The following CXADR variants were observed in gnomAD, a reference collection of about 807,000 sequenced individuals.
CXADR encodes coxsackievirus and adenovirus receptor.
Under a neutral mutation model 40.3 loss-of-function variants are expected in CXADR, and 20 were observed. That is an observed-to-expected ratio of 0.50 (90% confidence interval 0.35 to 0.72). CXADR has a LOEUF of 0.72. Ranked by LOEUF, CXADR falls within the 30% of genes least tolerant of loss-of-function variation. The pLI, the probability that CXADR is intolerant of heterozygous loss-of-function variation, is 0.01. For synonymous variants in CXADR, 150 were observed against 161.3 expected (o/e 0.93, Z 0.53); for missense variants, 332 against 449.1 (o/e 0.74, Z 2.36).
the CXADR span, among the ~76,000 whole-genome samples, chr21:17,615,988 C>G: frequency 1.6e-4 from 25 of 152,184 alleles, 1 homozygote; most frequent in Admixed American, 1.6e-3. Flanking sequence ...TGGTGGCTCA[C>G]GCCTGTAATC....
the CXADR span, among the ~76,000 whole-genome samples, chr21:17,603,959 G>A: frequency 1.3e-5 from 2 of 152,324 alleles, no homozygotes; most frequent in African/African-American, 2.4e-5. Context: ...AAAGCAGAAT[G>A]TTGCTTTCGT....
chr21:17,528,100 G>T (rs2060621824), intron 1 of CXADR, among the ~76,000 whole-genome samples: 3 of 107,212 alleles, frequency 2.8e-5, no homozygotes, highest in South Asian at 6.4e-4. Flanking sequence ...TTGAGACAGA[G>T]TCTGGCTCTG....
intron 1 of CXADR, among the ~76,000 whole-genome samples, chr21:17,513,650 T>C (rs774622911): frequency 5.3e-5 from 8 of 152,222 alleles, no homozygotes; most frequent in Non-Finnish European, 1.0e-4. Context: ...TCAATGGACA[T>C]GGAGCTGCCC....
At chr21:17,626,024 G>T in the CXADR span, among the ~76,000 whole-genome samples, 16 of 152,178 alleles carry the variant, frequency 1.1e-4, no homozygotes, top group East Asian at 1.2e-3. Context: ...GCCCATTTTT[G>T]ACATTTAGCC....
chr21:17,537,157 A>C (rs2123201536), intron 1 of CXADR, among the ~76,000 whole-genome samples: 1 of 152,384 alleles, frequency 6.6e-6, no homozygotes, highest in Non-Finnish European at 1.5e-5. Context: ...GCATATGCCA[A>C]CAGTGTTCCA....
At chr21:17,611,956 G>A in the CXADR span, 1 of 152,362 alleles carries the variant, frequency 6.6e-6, no homozygotes, top group East Asian at 1.9e-4. Flanking sequence ...GTGGGGTGAG[G>A]AGCCCCGGCC....
the CXADR span, among the ~76,000 whole-genome samples, chr21:17,627,908 C>A: frequency 8.5e-5 from 13 of 152,224 alleles, no homozygotes; most frequent in African/African-American, 3.1e-4. Context: ...GAAACAAATC[C>A]AATTCTGGTC....
the CXADR span, among the ~76,000 whole-genome samples, chr21:17,629,845 A>G: frequency 6.6e-6 from 1 of 152,162 alleles, no homozygotes; most frequent in Non-Finnish European, 1.5e-5. Flanking sequence ...ATAAATAAAT[A>G]AATAAAACAA....
At chr21:17,598,345 G>A (rs951005309), downstream of CXADR, among the ~76,000 whole-genome samples, 7 of 152,098 alleles carry the variant, frequency 4.6e-5, no homozygotes, top group Non-Finnish European at 7.4e-5. Flanking sequence ...AAAATATCAG[G>A]AATGTTTTAC....
intron 1 of CXADR, among the ~76,000 whole-genome samples, chr21:17,537,294 G>A (rs1345556376): frequency 2.0e-5 from 3 of 152,074 alleles, no homozygotes; most frequent in African/African-American, 7.2e-5. Context: ...TTCACTATTT[G>A]TAAATGTACC....
At chr21:17,598,930 A>C in the CXADR span, 1 of 853,568 alleles carries the variant, frequency 1.2e-6, no homozygotes, top group African/African-American at 1.7e-5. Flanking sequence ...CAAGGCAAAG[A>C]TTGAATCATC....
chr21:17,630,650 C>CTTTTTTTTTTTTTTTTT, the CXADR span, among the ~76,000 whole-genome samples: 5 of 116,992 alleles, frequency 4.3e-5, no homozygotes, highest in East Asian at 2.4e-4. Flanking sequence ...CTTCCTTCTT[C>CTTTTTTTTTTTTTTTTT]TTTTTTTTTT....
chr21:17,575,492 ATTTTT>A (rs77521268), intron 7 of CXADR, among the ~76,000 whole-genome samples: 1 of 141,776 alleles, frequency 7.1e-6, no homozygotes, highest in African/African-American at 2.6e-5. Flanking sequence ...CAATTGTAAA[ATTTTT>A]TTTTTTTTTT....
chr21:17,523,274 T>C (rs774902720), intron 1 of CXADR, among the ~76,000 whole-genome samples: 6 of 152,238 alleles, frequency 3.9e-5, no homozygotes, highest in African/African-American at 7.2e-5. Context: ...GCACAGGGCA[T>C]GTTCATTGCA....
At chr21:17,627,454 T>C in the CXADR span, among the ~76,000 whole-genome samples, 11 of 152,104 alleles carry the variant, frequency 7.2e-5, no homozygotes, top group African/African-American at 2.6e-4. Flanking sequence ...GAGAGATTGA[T>C]GAAAGACAGG....
Position 17,560,825 on chromosome 21 carries a change from G to A in CXADR, c.694+1G>A. On this transcript the variant is annotated splice_donor_variant, in intron 5 of 6. Transcript: ENST00000284878. LOFTEE classifies it high-confidence loss of function. ...CTGTTGCGTCTAAACGTTGTCCCTCGTAAGTTATCTTCTTTCTGTTGGTGG... is the reference window on the plus strand; with the variant it reads ...CTGTTGCGTCTAAACGTTGTCCCTCATAAGTTATCTTCTTTCTGTTGGTGG... 3 of 1,612,784 alleles carry A rather than the reference G, an allele frequency of 1.9e-6. No homozygotes were observed. The highest frequency in any genetic ancestry group is 1.3e-5 in the African/African-American group (1 of 74,984).
the CXADR span, among the ~76,000 whole-genome samples, chr21:17,602,887 C>T: frequency 2.0e-4 from 30 of 152,294 alleles, no homozygotes; most frequent in East Asian, 5.8e-3. Flanking sequence ...ACTTGTTAAA[C>T]ATCCTTGGAC....
intron 7 of CXADR, among the ~76,000 whole-genome samples, chr21:17,589,417 C>A (rs1007373984): frequency 2.0e-5 from 3 of 152,008 alleles, no homozygotes; most frequent in Non-Finnish European, 4.4e-5. Context: ...TTTTTACCCT[C>A]CAGTTACAAA....
chr21:17,579,645 G>T (rs2061346696), intron 7 of CXADR, among the ~76,000 whole-genome samples: 1 of 152,132 alleles, frequency 6.6e-6, no homozygotes, highest in Non-Finnish European at 1.5e-5. Flanking sequence ...GCCAGTTGTA[G>T]GGCAGGGTAA....
Sources: allele counts gnomAD v4.1 joint callset (sites outside exome capture counted in the v4.1 genomes callset), GRCh38; gene constraint gnomAD v4.1.1; transcripts MANE v1.5; gene names NCBI Gene and HGNC (gene_info 2026-07-23, HGNC 2026-07-21).